DZIP1: variants seen among roughly 807,000 people sequenced by gnomAD.
The protein encoded by DZIP1 is DAZ interacting zinc finger protein 1.
A neutral mutation model predicts 107.6 loss-of-function variants in DZIP1; 97 were observed. That is an observed-to-expected ratio of 0.90 (90% CI 0.77 to 1.07). The LOEUF is 1.07. Ranked by LOEUF, DZIP1 falls within the 50% of genes least tolerant of loss-of-function variation. The probability of loss-of-function intolerance (pLI) is 0.00; values close to 1 mark genes in which losing one functional copy is unlikely to be tolerated. For missense variants in DZIP1, 1,035 were observed against 1,063.6 expected, an observed-to-expected ratio of 0.97 and a Z score of 0.37; for synonymous variants, 390 against 386.4, an observed-to-expected ratio of 1.01 and a Z score of -0.11.
At chr13:95,613,338 C>T (rs904636073) in intron 10 of DZIP1, among the ~76,000 whole-genome samples, 2 of 151,926 alleles carry the variant, frequency 1.3e-5, no homozygotes, top group East Asian at 3.9e-4. Context: ...CATGGCAAAA[C>T]CCCATCTCTA....
chr13:95,622,457 G>A lies in DZIP1; in HGVS notation c.996C>T (p.Ser332=). 1 of 1,614,162 alleles carries A rather than the reference G, an allele frequency of 6.2e-7. No homozygotes were observed. The highest frequency in any genetic ancestry group is 1.1e-5 in the South Asian group (1 of 91,072). ...LEYQLSEIQK[S]NMQIKSNIGT... Reference sequence around the variant, plus strand: ...CTATGTTGGACTTGATCTGCATATTGGACTTCTGGATTTCTGACAGTTGCT... The same window carrying A: ...CTATGTTGGACTTGATCTGCATATTAGACTTCTGGATTTCTGACAGTTGCT... The change falls in exon 9 of 23, where the codon TCC becomes TCT. Residue 332 remains serine, a synonymous_variant. Coordinates refer to ENST00000376829, the MANE Select transcript of DZIP1 (RefSeq NM_198968.4).
chr13:95,578,900 G>C lies in DZIP1; in HGVS notation c.*3334C>G, dbSNP rs1442289101. 2 of 152,134 alleles carry C rather than the reference G, an allele frequency of 1.3e-5. No individual in the cohort carries two copies. Among genetic ancestry groups the C allele is most frequent in the African/African-American group, 2.4e-5 (1 of 41,430 alleles). 9.4% of individuals were successfully genotyped at this position (152,134 alleles called of 1,614,324 possible). On this transcript the variant is annotated 3_prime_UTR_variant, in exon 23 of 23. Transcript: ENST00000376829. ...GCCAATATATTATTGCCTGTCATGTGGCACATCCATGTTAAGGGGCTGAGG... is the reference window on the plus strand; with the variant it reads ...GCCAATATATTATTGCCTGTCATGTCGCACATCCATGTTAAGGGGCTGAGG...
intron 13 of DZIP1, 143 bp downstream of exon 13, chr13:95,609,314 T>A: frequency 2.0e-6 from 1 of 495,988 alleles, no homozygotes; most frequent in East Asian, 3.6e-5. Flanking sequence ...AGGTCAAAAC[T>A]AAGAATCAAA....
At chr13:95,643,996 G>T (rs891354779) in intron 1 of DZIP1, among the ~76,000 whole-genome samples, 1 of 152,138 alleles carries the variant, frequency 6.6e-6, no homozygotes. Context: ...GCGTCGTGCC[G>T]CTGACCACCC....
intron 8 of DZIP1, among the ~76,000 whole-genome samples, chr13:95,623,836 G>A (rs1016562041): frequency 6.6e-6 from 1 of 152,174 alleles, no homozygotes; most frequent in Non-Finnish European, 1.5e-5. Context: ...CTACTCAGGA[G>A]GCTGAAGCAC....
intron 13 of DZIP1, among the ~76,000 whole-genome samples, chr13:95,608,565 GTT>G (rs1566387305): frequency 1.3e-5 from 2 of 151,376 alleles, no homozygotes; most frequent in African/African-American, 4.9e-5. Context: ...TCTGAAATGT[GTT>G]TTTTTCCTTC....
At chr13:95,609,040 C>T (rs1439876123) in intron 13 of DZIP1, among the ~76,000 whole-genome samples, 2 of 152,230 alleles carry the variant, frequency 1.3e-5, no homozygotes, top group Non-Finnish European at 2.9e-5. Flanking sequence ...GAGCAGATGG[C>T]CAGGCTGACC....
At chr13:95,601,926 AC>A (rs1297274186) in intron 14 of DZIP1, among the ~76,000 whole-genome samples, 2 of 152,050 alleles carry the variant, frequency 1.3e-5, no homozygotes, top group African/African-American at 4.8e-5. Flanking sequence ...TCTCATCACC[AC>A]AAAGCAGACT....
intron 14 of DZIP1, among the ~76,000 whole-genome samples, chr13:95,600,590 T>TAGATGATA (rs1555306565): frequency 7.1e-6 from 1 of 141,674 alleles, no homozygotes; most frequent in African/African-American, 2.7e-5. Flanking sequence ...GATAGATAGA[T>TAGATGATA]GATAGATAGA....
chr13:95,590,699 G>A (rs150431631), intron 16 of DZIP1, among the ~76,000 whole-genome samples: 195 of 152,338 alleles, frequency 1.3e-3, no homozygotes, highest in African/African-American at 4.6e-3. Flanking sequence ...AGTCTACAAA[G>A]GCTAGAAGAA....
chr13:95,590,015 T>C, intron 17 of DZIP1, 83 bp from the exon 18 acceptor site: 1 of 1,490,210 alleles, frequency 6.7e-7, no homozygotes, highest in Non-Finnish European at 9.0e-7. Context: ...TAATACCCCC[T>C]ATGCTGCTGT....
In DZIP1 at chr13:95,622,353, A is replaced by G. The variant is rs771080857; in HGVS notation, c.1100T>C (p.Leu367Pro). 6.2e-7 allele frequency: 1 copy of G among 1,614,222 alleles called. No individual in the cohort carries two copies. Residue 367 changes from leucine (L) to proline (P), a missense_variant, in exon 9 of 23, where the codon CTT (leucine) becomes CCT (proline). By Grantham distance (98) the Leu-to-Pro change is moderately conservative. Transcript: ENST00000376829. ...PQDFHNVMQL[L>P]DSQESKWTAR... ...CCCACTTGCACGTACCTGACTATCA[A>G]GAAGCTGCATGACATTATGGAAATC...
intron 7 of DZIP1, among the ~76,000 whole-genome samples, chr13:95,628,819 G>C (rs900980060): frequency 6.6e-6 from 1 of 152,152 alleles, no homozygotes. Flanking sequence ...ATTCATATGA[G>C]GTATCTAGAG....
intron 8 of DZIP1, among the ~76,000 whole-genome samples, chr13:95,624,117 T>C (rs1876242927): frequency 1.3e-5 from 2 of 152,232 alleles, no homozygotes; most frequent in South Asian, 2.1e-4. Context: ...ATAAAACTTG[T>C]TGGCCCCTAG....
intron 9 of DZIP1, among the ~76,000 whole-genome samples, chr13:95,620,754 A>G (rs554041829): frequency 1.3e-5 from 2 of 152,338 alleles, no homozygotes; most frequent in South Asian, 4.1e-4. Context: ...AGGAAACACC[A>G]AGGTTTCTGA....
intron 9 of DZIP1, among the ~76,000 whole-genome samples, chr13:95,620,943 T>C (rs1875753158): frequency 6.6e-6 from 1 of 152,130 alleles, no homozygotes; most frequent in South Asian, 2.1e-4. Context: ...TTTCCTACCA[T>C]ATACCAGGCA....
intron 10 of DZIP1, chr13:95,618,083 A>G (rs542735510): frequency 8.4e-5 from 43 of 514,658 alleles, no homozygotes; most frequent in African/African-American, 7.9e-4. Context: ...AGAGTTGTTT[A>G]GGCTGAAGAT....
At position 95,617,909 on chromosome 13, in the gene DZIP1, G is replaced by T. The variant is rs74109022; in HGVS notation, c.1173+1976C>A. ...GGCCCTGCAGACAGCCTGGACTCGG[G>T]GATTGAGAGAGAAAGGTGGAATCAA... On this transcript the variant is annotated intron_variant, in intron 10 of 22. Transcript: ENST00000376829. The T allele has an allele frequency of 7.2e-3, 3,752 of 518,124 alleles. 98 individuals are homozygous for T. Among genetic ancestry groups the T allele is most frequent in the African/African-American group, 0.063 (3,245 of 51,254 alleles). The allele number at this position is 518,124 out of a possible 1,614,324, so 32.1% of individuals were successfully genotyped here.
intron 5 of DZIP1, among the ~76,000 whole-genome samples, chr13:95,639,994 ATTTAT>A (rs1426997918): frequency 7.0e-4 from 87 of 123,768 alleles, no homozygotes; most frequent in African/African-American, 2.2e-3. Flanking sequence ...TTTTATTTTT[ATTTAT>A]TTTTTTTTTT....
Sources: gnomAD v4.1 joint callset for allele counts (sites outside exome capture counted in the v4.1 genomes callset) on GRCh38, gnomAD v4.1.1 for gene constraint, MANE v1.5 for transcripts, NCBI Gene and HGNC (gene_info 2026-07-23, HGNC 2026-07-21) for gene names.